Variants in MICU3 observed in about 807,000 individuals in gnomAD.
MICU3 encodes the protein mitochondrial calcium uptake 3, also known as calcium uptake protein 3, mitochondrial.
In MICU3, 62 loss-of-function variants were observed where a neutral mutation model predicts 66.5. The observed-to-expected ratio is 0.93, with a 90% CI of 0.76 to 1.15. The LOEUF (loss-of-function observed/expected upper bound fraction) is 1.15, where lower values mean the gene tolerates loss of function less well. Ranked by LOEUF, MICU3 falls within the 50% of genes most tolerant of loss-of-function variation. The pLI is 0.00. For missense variants in MICU3, 779 were observed against 664.4 expected, an observed-to-expected ratio of 1.17 and a Z score of -1.90; for synonymous variants, 308 against 240.7, an observed-to-expected ratio of 1.28 and a Z score of -2.59.
intron 1 of MICU3, among the ~76,000 whole-genome samples, chr8:17,048,916 C>G (rs1009908134): frequency 1.3e-5 from 2 of 152,200 alleles, no homozygotes; most frequent in Admixed American, 1.3e-4. Flanking sequence ...AGGCACCCAA[C>G]CTGTCTTTGA....
At chr8:17,041,634 A>G (rs1157334622) in intron 1 of MICU3, among the ~76,000 whole-genome samples, 1 of 152,104 alleles carries the variant, frequency 6.6e-6, no homozygotes, top group African/African-American at 2.4e-5. Context: ...TCGTGTTTAA[A>G]TGCTGATGGA....
intron 8 of MICU3, among the ~76,000 whole-genome samples, chr8:17,096,741 T>G (rs1164574013): frequency 1.3e-5 from 2 of 151,894 alleles, no homozygotes; most frequent in Non-Finnish European, 2.9e-5. Flanking sequence ...TGTTACGTTC[T>G]AAATAAGATT....
chr8:17,079,581 C>G (rs1351024225), intron 4 of MICU3, among the ~76,000 whole-genome samples: 1 of 151,796 alleles, frequency 6.6e-6, no homozygotes, highest in Non-Finnish European at 1.5e-5. Flanking sequence ...CTCATTTTGT[C>G]ACCCAGGCGG....
intron 8 of MICU3, among the ~76,000 whole-genome samples, chr8:17,091,291 G>A (rs17624946): frequency 0.15 from 22,587 of 151,978 alleles, 2,223 homozygotes; most frequent in East Asian, 0.38. Context: ...GCTGCTAAAG[G>A]AGAACAGGCC....
intron 1 of MICU3, among the ~76,000 whole-genome samples, chr8:17,047,544 T>C (rs1355858593): frequency 6.6e-6 from 1 of 152,172 alleles, no homozygotes; most frequent in African/African-American, 2.4e-5. Flanking sequence ...TTTAGTCACA[T>C]TGAAGTGAAA....
intron 11 of MICU3, among the ~76,000 whole-genome samples, chr8:17,109,664 T>C (rs1463080492): frequency 1.3e-5 from 2 of 152,146 alleles, no homozygotes; most frequent in African/African-American, 4.8e-5. Flanking sequence ...ACTACATGGC[T>C]AAGGGTGGAA....
chr8:17,045,352 C>T (rs1232258609), intron 1 of MICU3, among the ~76,000 whole-genome samples: 1 of 152,134 alleles, frequency 6.6e-6, no homozygotes, highest in African/African-American at 2.4e-5. Context: ...GAGCATCCTG[C>T]CCCATACCCT....
At chr8:17,039,129 T>G (rs946115044) in intron 1 of MICU3, among the ~76,000 whole-genome samples, 1 of 152,158 alleles carries the variant, frequency 6.6e-6, no homozygotes, top group Non-Finnish European at 1.5e-5. Context: ...TAGCACTTTT[T>G]TAGCAATAAA....
intron 3 of MICU3, 104 bp downstream of exon 3, chr8:17,069,823 T>C: frequency 2.7e-6 from 1 of 374,730 alleles, no homozygotes; most frequent in Non-Finnish European, 4.3e-6. Context: ...TATTTTTATA[T>C]ATTTTATGAT....
At chr8:17,031,921 T>C (rs1338226513) in intron 1 of MICU3, among the ~76,000 whole-genome samples, 1 of 152,242 alleles carries the variant, frequency 6.6e-6, no homozygotes, top group African/African-American at 2.4e-5. Context: ...TTTGTAATTA[T>C]TTGATCATTG....
chr8:17,105,592 A>T lies in MICU3; in HGVS notation c.1257+8A>T. 1 of 1,481,128 alleles carries T rather than the reference A, an allele frequency of 6.8e-7. No individual in the cohort carries two copies. The highest frequency in any genetic ancestry group is 9.1e-7 in the Non-Finnish European group (1 of 1,103,420). The allele number at this position is 1,481,128 out of a possible 1,614,324, so 91.7% of individuals were successfully genotyped here. Reference sequence around the variant, plus strand: ...AGTATACCTGAAGAAAAGGTATCTAATCCTCATATTTAGTTGGTTATGTTA... The same window carrying T: ...AGTATACCTGAAGAAAAGGTATCTATTCCTCATATTTAGTTGGTTATGTTA... On this transcript the variant is annotated splice_region_variant and intron_variant, in intron 11 of 14. Coordinates refer to ENST00000318063, the MANE Select transcript of MICU3 (RefSeq NM_181723.3).
intron 9 of MICU3, chr8:17,102,848 A>G (rs1000199536): frequency 6.6e-6 from 1 of 151,994 alleles, no homozygotes; most frequent in Non-Finnish European, 1.5e-5. Flanking sequence ...TATTCCAGCT[A>G]TGGAGAATTC....
intron 12 of MICU3, among the ~76,000 whole-genome samples, chr8:17,116,161 C>T (rs931056128): frequency 6.6e-6 from 1 of 152,194 alleles, no homozygotes; most frequent in Non-Finnish European, 1.5e-5. Context: ...ACCTATTCAT[C>T]TTACTAACTT....
intron 11 of MICU3, among the ~76,000 whole-genome samples, chr8:17,112,173 G>T (rs948352054): frequency 6.6e-6 from 1 of 152,114 alleles, no homozygotes; most frequent in Non-Finnish European, 1.5e-5. Context: ...TTTGGGTGGG[G>T]ACACAGAGCC....
At chr8:17,084,886 T>C (rs539805774) in intron 5 of MICU3, among the ~76,000 whole-genome samples, 3 of 152,202 alleles carry the variant, frequency 2.0e-5, no homozygotes, top group Non-Finnish European at 4.4e-5. Context: ...CATGTTTTTT[T>C]TCTGCCAATC....
chr8:17,100,194 A>C (rs1801135627), intron 9 of MICU3, among the ~76,000 whole-genome samples: 1 of 150,746 alleles, frequency 6.6e-6, no homozygotes, highest in Non-Finnish European at 1.5e-5. Flanking sequence ...AAACTGGCCA[A>C]CATTACAAAT....
At chr8:17,123,074 G>C (rs1444059455), downstream of MICU3, among the ~76,000 whole-genome samples, 1 of 151,936 alleles carries the variant, frequency 6.6e-6, no homozygotes, top group Admixed American at 6.6e-5. Context: ...ATAAAAATAT[G>C]AATTCCATAA....
intron 4 of MICU3, among the ~76,000 whole-genome samples, chr8:17,078,475 G>T (rs1820710129): frequency 1.3e-5 from 2 of 151,736 alleles, no homozygotes; most frequent in Admixed American, 1.3e-4. Context: ...CTTTTACAGG[G>T]TACCTTTTTA....
intron 4 of MICU3, among the ~76,000 whole-genome samples, chr8:17,080,301 TACAG>T (rs2062096886): frequency 6.6e-6 from 1 of 152,140 alleles, no homozygotes; most frequent in South Asian, 2.1e-4. Context: ...CATGTGATCC[TACAG>T]ACAAACGCCT....
Sources: allele counts gnomAD v4.1 joint callset (sites outside exome capture counted in the v4.1 genomes callset), GRCh38; gene constraint gnomAD v4.1.1; transcripts MANE v1.5; gene names NCBI Gene and HGNC (gene_info 2026-07-23, HGNC 2026-07-21).